The following NOL4 variants were observed in gnomAD, a reference collection of about 807,000 sequenced individuals.
NOL4 encodes the protein nucleolar protein 4, also known as cancer/testis antigen 125.
A neutral mutation model predicts 75.9 loss-of-function variants in NOL4; 17 were observed. That is an observed-to-expected ratio of 0.22 (90% CI 0.15 to 0.34). The LOEUF (loss-of-function observed/expected upper bound fraction) is 0.34, where lower values mean the gene tolerates loss of function less well. NOL4 is among the 10% of genes least tolerant of loss of function. The pLI, the probability that NOL4 is intolerant of heterozygous loss-of-function variation, is 1.00. For synonymous variants in NOL4, 292 were observed against 289.9 expected, an observed-to-expected ratio of 1.01 and a Z score of -0.07; for missense variants, 614 against 793.5, an observed-to-expected ratio of 0.77 and a Z score of 2.72.
chr18:34,133,721 A>G (rs1018389419), intron 1 of NOL4, among the ~76,000 whole-genome samples: 4 of 152,138 alleles, frequency 2.6e-5, no homozygotes, highest in Non-Finnish European at 5.9e-5. Flanking sequence ...AAGAGAACCA[A>G]AAAGGTCAAA....
intron 6 of NOL4, among the ~76,000 whole-genome samples, chr18:33,995,955 TAA>T (rs1386235291): frequency 1.3e-5 from 2 of 151,824 alleles, no homozygotes; most frequent in Non-Finnish European, 2.9e-5. Flanking sequence ...TAATGTTGTT[TAA>T]GTCTTCTTTT....
chr18:33,948,262 A>C (rs1247974672), intron 8 of NOL4, among the ~76,000 whole-genome samples: 2 of 151,984 alleles, frequency 1.3e-5, no homozygotes, highest in East Asian at 3.9e-4. Context: ...TCAGTAGTCA[A>C]GAGTTTAGGT....
intron 1 of NOL4, among the ~76,000 whole-genome samples, chr18:34,210,317 T>C (rs1478913133): frequency 6.6e-6 from 1 of 152,220 alleles, no homozygotes; most frequent in Non-Finnish European, 1.5e-5. Context: ...GCAATCTAAG[T>C]AGTTCAGAAT....
chr18:34,210,820 G>T (rs2036461773), intron 1 of NOL4, among the ~76,000 whole-genome samples: 1 of 152,172 alleles, frequency 6.6e-6, no homozygotes, highest in Admixed American at 6.5e-5. Context: ...TTACAACAAA[G>T]TAATGCAAAT....
Position 33,930,060 on chromosome 18 carries a change from C to A in NOL4, c.1542+13005G>T, listed in dbSNP as rs116693112. Among the ~76,000 whole-genome samples the A allele has an allele frequency of 3.4e-3, 522 of 152,026 alleles. 4 individuals are homozygous for A. The highest frequency in any genetic ancestry group is 0.012 in the African/African-American group (503 of 41,504). On this transcript the variant is annotated intron_variant, in intron 9 of 10. Transcript: ENST00000261592. ...AATATTCTTTCATGTACAGCAAGTA[C>A]AAAATTCCAGCAAAATTATTTTAAC...
At chr18:33,960,041 T>C (rs760760688) in intron 6 of NOL4, among the ~76,000 whole-genome samples, 1 of 152,132 alleles carries the variant, frequency 6.6e-6, no homozygotes, top group Non-Finnish European at 1.5e-5. Context: ...CAAAATATTT[T>C]ATAAGTGATT....
intron 1 of NOL4, among the ~76,000 whole-genome samples, chr18:34,141,352 C>G (rs932840233): frequency 1.0e-3 from 159 of 152,140 alleles, no homozygotes; most frequent in African/African-American, 3.7e-3. Context: ...TCATATGGAA[C>G]CAAAAAAGAG....
intron 6 of NOL4, among the ~76,000 whole-genome samples, chr18:33,981,031 T>C (rs1214341779): frequency 1.3e-5 from 2 of 151,910 alleles, no homozygotes; most frequent in African/African-American, 4.8e-5. Flanking sequence ...ATTAAAAAAA[T>C]GCTAGAGATA....
intron 6 of NOL4, among the ~76,000 whole-genome samples, chr18:33,973,140 T>C (rs1321402135): frequency 6.6e-6 from 1 of 152,260 alleles, no homozygotes; most frequent in African/African-American, 2.4e-5. Context: ...GCTTATGTAA[T>C]ATTCTAAATC....
chr18:34,167,281 C>T (rs1180335794), intron 1 of NOL4, among the ~76,000 whole-genome samples: 3 of 151,892 alleles, frequency 2.0e-5, no homozygotes, highest in African/African-American at 7.3e-5. Context: ...CAAGGGAATA[C>T]CGTATAACGT....
chr18:34,067,985 C>A (rs2077352728), intron 5 of NOL4, among the ~76,000 whole-genome samples: 1 of 151,786 alleles, frequency 6.6e-6, no homozygotes, highest in South Asian at 2.1e-4. Flanking sequence ...ACAACAAAAA[C>A]CATCCAAAGA....
intron 10 of NOL4, among the ~76,000 whole-genome samples, chr18:33,880,569 G>A (rs1348237841): frequency 1.3e-5 from 2 of 151,984 alleles, no homozygotes; most frequent in African/African-American, 4.8e-5. Flanking sequence ...GTACAACACT[G>A]CTGACCGAGC....
At chr18:34,024,194 A>AAAAAAAAAATATATATATATATATATAT in intron 5 of NOL4, among the ~76,000 whole-genome samples, 1 of 70,698 alleles carries the variant, frequency 1.4e-5, no homozygotes. Context: ...AAAAAAAAAA[A>AAAAAAAAAATATATATATATATATATAT]ATATATATAT....
At chr18:34,140,250 C>T (rs1286333689) in intron 1 of NOL4, among the ~76,000 whole-genome samples, 4 of 152,076 alleles carry the variant, frequency 2.6e-5, no homozygotes, top group East Asian at 3.9e-4. Flanking sequence ...CATTCTGTCC[C>T]GTTGATCTGT....
At chr18:34,058,357 A>G (rs778346246) in intron 5 of NOL4, among the ~76,000 whole-genome samples, 7 of 152,066 alleles carry the variant, frequency 4.6e-5, no homozygotes, top group Non-Finnish European at 1.0e-4. Flanking sequence ...GATGGTCTCG[A>G]TCTCCTGACC....
chr18:34,166,594 C>T (rs1161907127), intron 1 of NOL4, among the ~76,000 whole-genome samples: 1 of 152,008 alleles, frequency 6.6e-6, no homozygotes, highest in Non-Finnish European at 1.5e-5. Flanking sequence ...AAAATATTAA[C>T]TAAAGCTCAT....
At chr18:34,075,543 A>G (rs2145319747) in intron 5 of NOL4, among the ~76,000 whole-genome samples, 1 of 152,244 alleles carries the variant, frequency 6.6e-6, no homozygotes, top group Non-Finnish European at 1.5e-5. Flanking sequence ...AAAATTTCAG[A>G]CTTTTGAGCA....
chr18:34,041,727 C>T (rs571272772), intron 5 of NOL4, among the ~76,000 whole-genome samples: 2 of 151,382 alleles, frequency 1.3e-5, no homozygotes, highest in East Asian at 3.9e-4. Flanking sequence ...TTGGGGTGAC[C>T]GATATTAAAC....
chr18:33,899,920 A>G (rs1308749564), intron 9 of NOL4, among the ~76,000 whole-genome samples: 1 of 152,128 alleles, frequency 6.6e-6, no homozygotes, highest in Non-Finnish European at 1.5e-5. Flanking sequence ...TACAGCTGTT[A>G]CATATTATGG....
Sources: allele counts gnomAD v4.1 joint callset (sites outside exome capture counted in the v4.1 genomes callset), GRCh38; gene constraint gnomAD v4.1.1; transcripts MANE v1.5; gene names NCBI Gene and HGNC (gene_info 2026-07-23, HGNC 2026-07-21).